The following THSD4 variants were observed in gnomAD, a reference collection of about 807,000 sequenced individuals.
THSD4 encodes thrombospondin type 1 domain containing 4.
In THSD4, 69 loss-of-function variants were observed where a neutral mutation model predicts 119.0. That is an observed-to-expected ratio of 0.58 (90% confidence interval 0.48 to 0.71). The LOEUF is 0.71. Ranked by LOEUF, THSD4 falls within the 30% of genes least tolerant of loss-of-function variation. The pLI is 0.00. For missense variants in THSD4, 1,393 were observed against 1,391.1 expected, an observed-to-expected ratio of 1.00 and a Z score of -0.02; for synonymous variants, 524 against 540.4, an observed-to-expected ratio of 0.97 and a Z score of 0.42.
intron 6 of THSD4, among the ~76,000 whole-genome samples, chr15:71,400,288 C>T (rs948766632): frequency 9.9e-5 from 15 of 152,184 alleles, no homozygotes; most frequent in Non-Finnish European, 2.1e-4. Flanking sequence ...GCGCCCAAAA[C>T]CTTTTCTTTT....
chr15:71,610,129 T>C (rs918208868), intron 7 of THSD4, among the ~76,000 whole-genome samples: 3 of 152,080 alleles, frequency 2.0e-5, no homozygotes, highest in African/African-American at 7.2e-5. Context: ...GAAGAGCACA[T>C]TGGTGTTAAG....
intron 6 of THSD4, among the ~76,000 whole-genome samples, chr15:71,282,534 C>G (rs926929988): frequency 6.6e-6 from 1 of 152,158 alleles, no homozygotes; most frequent in Non-Finnish European, 1.5e-5. Flanking sequence ...TGCCTTGGTT[C>G]CGACATATCC....
At chr15:71,227,614 G>A (rs1442792) in intron 4 of THSD4, among the ~76,000 whole-genome samples, 149,591 of 152,302 alleles carry the variant, frequency 0.98, 73,533 homozygotes, top group East Asian at 1. Flanking sequence ...TACTATTTGA[G>A]CCTCAACCAG....
At chr15:71,613,671 C>T (rs1340167180) in intron 7 of THSD4, among the ~76,000 whole-genome samples, 1 of 152,200 alleles carries the variant, frequency 6.6e-6, no homozygotes, top group Non-Finnish European at 1.5e-5. Flanking sequence ...TCCATACCTT[C>T]ACCAGCTATT....
intron 6 of THSD4, among the ~76,000 whole-genome samples, chr15:71,291,209 A>C (rs2140325220): frequency 6.6e-6 from 1 of 152,342 alleles, no homozygotes; most frequent in South Asian, 2.1e-4. Context: ...TGGAAAAAAT[A>C]GTTCACTACA....
At chr15:71,687,041 A>G (rs11855321) in intron 8 of THSD4, among the ~76,000 whole-genome samples, 25,393 of 152,154 alleles carry the variant, frequency 0.17, 2,435 homozygotes, top group East Asian at 0.39. Context: ...GGCAATGGAC[A>G]GTCACATATC....
At chr15:71,502,674 T>G (rs1372157436) in intron 7 of THSD4, among the ~76,000 whole-genome samples, 1 of 152,048 alleles carries the variant, frequency 6.6e-6, no homozygotes. Context: ...AAATAACATA[T>G]CAGATCATAA....
chr15:71,424,117 T>C (rs2046840975), intron 7 of THSD4, among the ~76,000 whole-genome samples: 1 of 152,186 alleles, frequency 6.6e-6, no homozygotes, highest in African/African-American at 2.4e-5. Flanking sequence ...CTTTCAGTGA[T>C]CCTAAGTTAA....
chr15:71,470,860 C>T (rs1376089025), intron 7 of THSD4, among the ~76,000 whole-genome samples: 2 of 152,070 alleles, frequency 1.3e-5, no homozygotes, highest in East Asian at 3.9e-4. Flanking sequence ...TGGTCTTGAT[C>T]TCCTGACCTC....
chr15:71,465,542 C>T (rs1206929361), intron 7 of THSD4, among the ~76,000 whole-genome samples: 1 of 151,988 alleles, frequency 6.6e-6, no homozygotes, highest in East Asian at 1.9e-4. Flanking sequence ...TTTAATGAGC[C>T]CAAAGGAAAG....
intron 7 of THSD4, among the ~76,000 whole-genome samples, chr15:71,523,566 G>A (rs1385022511): frequency 6.6e-6 from 1 of 152,198 alleles, no homozygotes; most frequent in Non-Finnish European, 1.5e-5. Flanking sequence ...CAATGATGCT[G>A]ATGTATTAGG....
intron 8 of THSD4, among the ~76,000 whole-genome samples, chr15:71,669,623 ATGTC>A (rs1238268115): frequency 1.2e-4 from 18 of 152,140 alleles, no homozygotes; most frequent in Admixed American, 1.2e-3. Context: ...TTTCTTCTGA[ATGTC>A]TGATGATCAA....
intron 6 of THSD4, among the ~76,000 whole-genome samples, chr15:71,395,876 A>T (rs999621153): frequency 8.0e-5 from 12 of 150,748 alleles, no homozygotes; most frequent in African/African-American, 2.9e-4. Context: ...TTCCTTTTCC[A>T]GTGTCTCCCA....
intron 8 of THSD4, among the ~76,000 whole-genome samples, chr15:71,679,224 G>A (rs1487428515): frequency 6.6e-6 from 1 of 152,206 alleles, no homozygotes; most frequent in Non-Finnish European, 1.5e-5. Context: ...GCAAAGGATG[G>A]AGAAATTAAC....
At chr15:71,234,088 T>C (rs2044082598) in intron 4 of THSD4, among the ~76,000 whole-genome samples, 1 of 152,208 alleles carries the variant, frequency 6.6e-6, no homozygotes, top group Admixed American at 6.5e-5. Flanking sequence ...CCATATACTC[T>C]GTGGAACCAC....
chr15:71,646,426 TA>T (rs2050969666), intron 7 of THSD4, among the ~76,000 whole-genome samples: 2 of 152,218 alleles, frequency 1.3e-5, no homozygotes, highest in Admixed American at 6.5e-5. Context: ...TTTACTTCCA[TA>T]TTTGCTGCCG....
At chr15:71,275,958 A>G (rs1297895281) in intron 6 of THSD4, among the ~76,000 whole-genome samples, 1 of 152,136 alleles carries the variant, frequency 6.6e-6, no homozygotes, top group Non-Finnish European at 1.5e-5. Context: ...TACCCAGTCT[A>G]GCGTAAGTTT....
intron 7 of THSD4, among the ~76,000 whole-genome samples, chr15:71,435,413 CTTTT>C (rs2046999511): frequency 6.6e-6 from 1 of 152,096 alleles, no homozygotes; most frequent in African/African-American, 2.4e-5. Context: ...GGCTATCTTT[CTTTT>C]GTTTCTTTTC....
chr15:71,702,719 TC>T, intron 8 of THSD4, among the ~76,000 whole-genome samples: 1 of 152,196 alleles, frequency 6.6e-6, no homozygotes, highest in Non-Finnish European at 1.5e-5. Flanking sequence ...GTTCTTTCTT[TC>T]TGCAATGCAC....
Sources: gnomAD v4.1 joint callset for allele counts (sites outside exome capture counted in the v4.1 genomes callset) on GRCh38, gnomAD v4.1.1 for gene constraint, MANE v1.5 for transcripts, NCBI Gene and HGNC (gene_info 2026-07-23, HGNC 2026-07-21) for gene names.